HEMK2: variants seen among roughly 807,000 people sequenced by gnomAD.
HEMK2 encodes methyltransferase HEMK2.
At chr21:28,783,785 A>G in the HEMK2 span, among the ~76,000 whole-genome samples, 1 of 152,114 alleles carries the variant, frequency 6.6e-6, no homozygotes, top group African/African-American at 2.4e-5. Context: ...TTGGGGCTGC[A>G]TGCAGCACTC....
the HEMK2 span, among the ~76,000 whole-genome samples, chr21:28,765,716 G>T: frequency 6.6e-6 from 1 of 151,976 alleles, no homozygotes; most frequent in Non-Finnish European, 1.5e-5. Flanking sequence ...AAGTCTTACT[G>T]TGCCCCTGTA....
At chr21:28,742,808 C>A in the HEMK2 span, among the ~76,000 whole-genome samples, 354 of 152,016 alleles carry the variant, frequency 2.3e-3, 2 homozygotes, top group Non-Finnish European at 4.1e-3. Context: ...TTGAAGAAGC[C>A]CTATAGACAC....
chr21:28,794,663 C>T, the HEMK2 span, among the ~76,000 whole-genome samples: 1 of 152,218 alleles, frequency 6.6e-6, no homozygotes, highest in Non-Finnish European at 1.5e-5. Context: ...GTATGACAAG[C>T]TTGCTTTTAC....
At chr21:28,748,937 C>A in the HEMK2 span, among the ~76,000 whole-genome samples, 3 of 152,026 alleles carry the variant, frequency 2.0e-5, no homozygotes, top group South Asian at 4.1e-4. Context: ...GATCTAGATT[C>A]TTGATAAATA....
At chr21:28,851,280 C>T in the HEMK2 span, among the ~76,000 whole-genome samples, 1 of 152,202 alleles carries the variant, frequency 6.6e-6, no homozygotes, top group African/African-American at 2.4e-5. Context: ...GCCACCGACA[C>T]CTCAAGCACC....
At chr21:28,581,823 G>A in the HEMK2 span, among the ~76,000 whole-genome samples, 2 of 152,140 alleles carry the variant, frequency 1.3e-5, no homozygotes, top group East Asian at 3.9e-4. Context: ...AAATTAAAAA[G>A]GAAAATTGAA....
At chr21:28,760,780 A>C in the HEMK2 span, among the ~76,000 whole-genome samples, 1 of 152,158 alleles carries the variant, frequency 6.6e-6, no homozygotes, top group Non-Finnish European at 1.5e-5. Context: ...CAATCCTGCC[A>C]GATATACACT....
At chr21:28,735,287 G>GA in the HEMK2 span, among the ~76,000 whole-genome samples, 2 of 152,182 alleles carry the variant, frequency 1.3e-5, no homozygotes, top group Admixed American at 1.3e-4. Context: ...TCATAAGGCT[G>GA]AAATTGTGGT....
At chr21:28,847,094 T>C in the HEMK2 span, among the ~76,000 whole-genome samples, 4 of 152,190 alleles carry the variant, frequency 2.6e-5, no homozygotes, top group Non-Finnish European at 5.9e-5. Context: ...CTGTGATGAA[T>C]ATATGTATGC....
chr21:28,822,626 A>T, the HEMK2 span, among the ~76,000 whole-genome samples: 1 of 152,020 alleles, frequency 6.6e-6, no homozygotes, highest in Non-Finnish European at 1.5e-5. Flanking sequence ...CGTAATTGTT[A>T]GATTGCTAGA....
At chr21:28,752,191 C>G in the HEMK2 span, among the ~76,000 whole-genome samples, 4 of 152,116 alleles carry the variant, frequency 2.6e-5, no homozygotes, top group Admixed American at 2.6e-4. Context: ...GACTAATTGT[C>G]CCCAAACCAA....
the HEMK2 span, among the ~76,000 whole-genome samples, chr21:28,715,145 GTA>G: frequency 6.6e-6 from 1 of 152,088 alleles, no homozygotes; most frequent in South Asian, 2.1e-4. Context: ...ATTCCTTTGG[GTA>G]TATATCCAGC....
At chr21:28,662,331 T>C in the HEMK2 span, among the ~76,000 whole-genome samples, 2 of 152,148 alleles carry the variant, frequency 1.3e-5, no homozygotes, top group Non-Finnish European at 2.9e-5. Flanking sequence ...AGGAACCAAC[T>C]GGAAGGAGCA....
chr21:28,599,155 T>C, the HEMK2 span, among the ~76,000 whole-genome samples: 2 of 152,236 alleles, frequency 1.3e-5, no homozygotes, highest in African/African-American at 4.8e-5. Context: ...GTAATGCACA[T>C]GCAAGCAAAT....
At chr21:28,874,793 A>G in the HEMK2 span, 1 of 152,360 alleles carries the variant, frequency 6.6e-6, no homozygotes, top group South Asian at 2.1e-4. Flanking sequence ...TTCCAGTTAT[A>G]TTGAACTCCC....
the HEMK2 span, among the ~76,000 whole-genome samples, chr21:28,762,972 G>GGGAAACAGGAAATTC: frequency 6.6e-6 from 1 of 152,108 alleles, no homozygotes; most frequent in African/African-American, 2.4e-5. Flanking sequence ...TTCAGCTTAG[G>GGGAAACAGGAAATTC]GGAAACAGGA....
At chr21:28,671,659 C>T in the HEMK2 span, among the ~76,000 whole-genome samples, 2 of 152,114 alleles carry the variant, frequency 1.3e-5, no homozygotes, top group East Asian at 1.9e-4. Context: ...ACTCAGAGTG[C>T]TTGATGCTAA....
chr21:28,835,623 T>G, the HEMK2 span, among the ~76,000 whole-genome samples: 3 of 152,042 alleles, frequency 2.0e-5, no homozygotes, highest in Non-Finnish European at 4.4e-5. Flanking sequence ...CAGCAATGGA[T>G]CCAAACCAAG....
the HEMK2 span, chr21:28,674,708 T>C: frequency 1.3e-5 from 2 of 152,252 alleles, no homozygotes; most frequent in Admixed American, 6.5e-5. Flanking sequence ...ACAAAATATC[T>C]TAGACTGGGT....
Sources: allele counts gnomAD v4.1 joint callset (sites outside exome capture counted in the v4.1 genomes callset), GRCh38; gene constraint gnomAD v4.1.1; transcripts MANE v1.5; gene names NCBI Gene and HGNC (gene_info 2026-07-23, HGNC 2026-07-21).